TEX36: variants seen among roughly 807,000 people sequenced by gnomAD.
The protein encoded by TEX36 is testis-expressed protein 36.
A neutral mutation model predicts 13.6 loss-of-function variants in TEX36; 12 were observed. The observed-to-expected ratio is 0.88, with a 90% CI of 0.56 to 1.43. TEX36 has a LOEUF of 1.43. Ranked by LOEUF, TEX36 falls within the 40% of genes most tolerant of loss-of-function variation. The pLI is 0.00. For missense variants in TEX36, 224 were observed against 228.3 expected (o/e 0.98, Z 0.12); for synonymous variants, 93 against 83.0 (o/e 1.12, Z -0.65).
At chr10:125,653,814 A>G (rs549683710), downstream of TEX36, among the ~76,000 whole-genome samples, 4 of 152,100 alleles carry the variant, frequency 2.6e-5, no homozygotes, top group Non-Finnish European at 5.9e-5. Context: ...TCCCATCCCT[A>G]CAAAAAACAA....
intron 1 of TEX36, among the ~76,000 whole-genome samples, chr10:125,675,058 C>T (rs1175213155): frequency 6.6e-6 from 1 of 152,254 alleles, no homozygotes; most frequent in Non-Finnish European, 1.5e-5. Flanking sequence ...AGCCACCCCT[C>T]CCCACAGGGG....
chr10:125,613,662 T>G (rs554925419), intron 3 of TEX36, among the ~76,000 whole-genome samples: 1 of 152,064 alleles, frequency 6.6e-6, no homozygotes, highest in East Asian at 1.9e-4. Context: ...TGCCACGTTT[T>G]CTTAATCCAG....
chr10:125,659,127 T>G (rs984216340), intron 3 of TEX36, among the ~76,000 whole-genome samples: 4 of 152,276 alleles, frequency 2.6e-5, no homozygotes, highest in Admixed American at 2.6e-4. Context: ...AAAACCTTAC[T>G]CTAAAAAATA....
At chr10:125,586,633 TCCAAA>T (rs1478455819) in intron 3 of TEX36, among the ~76,000 whole-genome samples, 3 of 77,430 alleles carry the variant, frequency 3.9e-5, no homozygotes, top group African/African-American at 1.1e-4. Flanking sequence ...CTACTAAAAA[TCCAAA>T]AAAAAAAAAA....
chr10:125,610,803 T>C (rs1327683122), intron 3 of TEX36, among the ~76,000 whole-genome samples: 1 of 152,244 alleles, frequency 6.6e-6, no homozygotes, highest in Non-Finnish European at 1.5e-5. Flanking sequence ...GTTTTTCTTT[T>C]CACGATTGTT....
rs1158536774 is a variant in TEX36, at chr10:125,661,110, G to A, written c.184-9C>T. On this transcript the variant is annotated splice_polypyrimidine_tract_variant and intron_variant, in intron 2 of 3. Coordinates refer to ENST00000368821, the MANE Select transcript of TEX36 (RefSeq NM_001128202.3). Reference sequence around the variant, plus strand: ...TGGTTATTCACTGCTTGCTGGAAAAGTGGGATGGAAGGGAAAGAGCACACA... The same window carrying A: ...TGGTTATTCACTGCTTGCTGGAAAAATGGGATGGAAGGGAAAGAGCACACA... The A allele has an allele frequency of 6.4e-7, 1 of 1,551,158 alleles. No individual in the cohort carries two copies. The highest frequency in any genetic ancestry group is 8.7e-7 in the Non-Finnish European group (1 of 1,146,354).
At chr10:125,607,605 C>A (rs1846231153) in intron 3 of TEX36, among the ~76,000 whole-genome samples, 1 of 152,254 alleles carries the variant, frequency 6.6e-6, no homozygotes, top group African/African-American at 2.4e-5. Context: ...AGAGACACAT[C>A]CTCATTTGCC....
intron 3 of TEX36, among the ~76,000 whole-genome samples, chr10:125,601,561 C>A (rs894760708): frequency 6.6e-6 from 1 of 152,248 alleles, no homozygotes; most frequent in Non-Finnish European, 1.5e-5. Flanking sequence ...TTGTTTCTGG[C>A]TGAGTTATTA....
chr10:125,592,497 T>A (rs1203985897), intron 3 of TEX36, among the ~76,000 whole-genome samples: 3 of 152,152 alleles, frequency 2.0e-5, no homozygotes, highest in South Asian at 4.1e-4. Flanking sequence ...CCTACTTTCT[T>A]ACACAGTCAC....
chr10:125,621,635 C>T (rs939303421), exon 4 of TEX36: 9 of 455,822 alleles, frequency 2.0e-5, no homozygotes, highest in African/African-American at 1.0e-4. Flanking sequence ...CCACGATAGG[C>T]CATCTGCAAA....
chr10:125,608,270 AGATTGT>A lies in TEX36; in HGVS notation c.265-31402_265-31397del, dbSNP rs546714385. Among the ~76,000 whole-genome samples the A allele has an allele frequency of 1.2e-3, 147 of 121,972 alleles. No individual in the cohort carries two copies. In the East Asian group the frequency reaches 0.025, roughly 21 times the overall value. The allele number at this position is 121,972 out of a possible 152,430, so 80.0% of individuals were successfully genotyped here. The stretch of plus-strand genomic sequence containing the variant: ...TTTGTGGGTGGTGGAAATGTCCTAT[AGATTGT>A]GATGATGGTGATGATGGTTTCATGA... On this transcript the variant is annotated intron_variant, in intron 3 of 3. Coordinates refer to the TEX36 transcript ENST00000532135.
chr10:125,617,784 G>A (rs2133556978), downstream of TEX36, among the ~76,000 whole-genome samples: 1 of 152,254 alleles, frequency 6.6e-6, no homozygotes, highest in African/African-American at 2.4e-5. Flanking sequence ...CTCTTCTCGA[G>A]GATTATCTTT....
chr10:125,631,412 G>A (rs999697048), intron 3 of TEX36, among the ~76,000 whole-genome samples: 5 of 152,190 alleles, frequency 3.3e-5, no homozygotes, highest in South Asian at 2.1e-4. Flanking sequence ...GCTGTATGAC[G>A]GAGGAGAGCC....
At chr10:125,607,521 G>A (rs1035341689) in intron 3 of TEX36, among the ~76,000 whole-genome samples, 14 of 152,112 alleles carry the variant, frequency 9.2e-5, no homozygotes, top group Non-Finnish European at 1.8e-4. Flanking sequence ...TCTCCCTCCT[G>A]AGCAATGATC....
chr10:125,632,454 G>T (rs910748862), intron 3 of TEX36, among the ~76,000 whole-genome samples: 1 of 152,186 alleles, frequency 6.6e-6, no homozygotes, highest in Non-Finnish European at 1.5e-5. Context: ...ACCTTGGAAG[G>T]TTCAGTAGAC....
At position 125,639,046 on chromosome 10, in the gene TEX36, T is replaced by C. The variant is rs77191046; in HGVS notation, c.265-17401A>G. Among the ~76,000 whole-genome samples, 604 of 152,358 alleles carry C rather than the reference T, an allele frequency of 4.0e-3. 11 individuals are homozygous for C. The highest frequency in any genetic ancestry group is 0.014 in the African/African-American group (580 of 41,586). ...AGAATGTGTTTAGTGCTTTAGTAAA[T>C]AGTTTGTTTTCTAATTTTCCTTTAA... On this transcript the variant is annotated intron_variant, in intron 3 of 3. Transcript: ENST00000526819.
At chr10:125,636,127 G>A (rs1489308778) in intron 3 of TEX36, among the ~76,000 whole-genome samples, 6 of 151,890 alleles carry the variant, frequency 4.0e-5, no homozygotes, top group African/African-American at 1.5e-4. Context: ...CACCTGTCCC[G>A]GCCTCCCAAA....
At chr10:125,620,060 G>C (rs140742247), downstream of TEX36, among the ~76,000 whole-genome samples, 515 of 152,024 alleles carry the variant, frequency 3.4e-3, 4 homozygotes, top group Non-Finnish European at 3.5e-3. Flanking sequence ...TTTGCTCTTT[G>C]AGCTGTTTTA....
At chr10:125,602,550 C>A (rs981114370) in intron 3 of TEX36, among the ~76,000 whole-genome samples, 2 of 152,168 alleles carry the variant, frequency 1.3e-5, no homozygotes, top group Non-Finnish European at 2.9e-5. Context: ...TCCTCATGCT[C>A]CCCGGCAGCT....
Sources: gnomAD v4.1 joint callset for allele counts (sites outside exome capture counted in the v4.1 genomes callset) on GRCh38, gnomAD v4.1.1 for gene constraint, MANE v1.5 for transcripts, NCBI Gene and HGNC (gene_info 2026-07-23, HGNC 2026-07-21) for gene names.